Variants in RNF135 observed in about 807,000 individuals in gnomAD.
The protein encoded by RNF135 is E3 ubiquitin-protein ligase RNF135.
A neutral mutation model predicts 41.9 loss-of-function variants in RNF135; 46 were observed. The ratio of observed to expected loss-of-function variants is 1.10; its 90% CI spans 0.87 to 1.40. The LOEUF (loss-of-function observed/expected upper bound fraction) is 1.40, where lower values mean the gene tolerates loss of function less well. Ranked by LOEUF, RNF135 falls within the 40% of genes most tolerant of loss-of-function variation. The probability of loss-of-function intolerance (pLI) is 0.00; values close to 1 mark genes in which losing one functional copy is unlikely to be tolerated. For missense variants in RNF135, 539 were observed against 549.8 expected, an observed-to-expected ratio of 0.98 and a Z score of 0.20; for synonymous variants, 238 against 223.8, an observed-to-expected ratio of 1.06 and a Z score of -0.57.
At chr17:30,970,851 A>G, upstream of RNF135, 1 of 628,672 alleles carries the variant, frequency 1.6e-6, no homozygotes, top group Non-Finnish European at 2.7e-6. Context: ...CCAGGGCAAG[A>G]GGCCGCCACT....
At chr17:30,975,539 A>G in intron 1 of RNF135, 1 of 780,454 alleles carries the variant, frequency 1.3e-6, no homozygotes, top group Non-Finnish European at 2.4e-6. Flanking sequence ...AATGGCCTCG[A>G]AAATAGACAT....
At chr17:30,977,652 G>A (rs935644408) in intron 1 of RNF135, among the ~76,000 whole-genome samples, 3 of 152,048 alleles carry the variant, frequency 2.0e-5, no homozygotes, top group Non-Finnish European at 2.9e-5. Flanking sequence ...GGGATTACAG[G>A]CCACCTCCTG....
At chr17:30,978,300 A>G (rs370876736) in intron 1 of RNF135, among the ~76,000 whole-genome samples, 15 of 152,136 alleles carry the variant, frequency 9.9e-5, no homozygotes, top group African/African-American at 3.1e-4. Flanking sequence ...GTTCCATGCT[A>G]TTATTTCTTT....
At chr17:30,988,774 A>T (rs1487611078) in intron 3 of RNF135, among the ~76,000 whole-genome samples, 6 of 123,208 alleles carry the variant, frequency 4.9e-5, no homozygotes, top group East Asian at 2.4e-4. Flanking sequence ...TTTTTTAATA[A>T]TTTTGTTTTG....
chr17:30,984,571 G>C, intron 1 of RNF135, 46 bp from the exon 2 acceptor site: 1 of 1,611,132 alleles, frequency 6.2e-7, no homozygotes, highest in Non-Finnish European at 8.5e-7. Flanking sequence ...GTGGTTCCTG[G>C]GTCCAGTTTT....
At chr17:30,997,469 G>A in intron 4 of RNF135, 138 bp downstream of exon 4, 1 of 783,638 alleles carries the variant, frequency 1.3e-6, no homozygotes. Flanking sequence ...CCCTCCACGG[G>A]GGGAGCTGAT....
At chr17:30,967,706 T>TC (rs1190915784), upstream of RNF135, among the ~76,000 whole-genome samples, 1 of 144,804 alleles carries the variant, frequency 6.9e-6, no homozygotes, top group African/African-American at 2.6e-5. Flanking sequence ...CAAAATTTCT[T>TC]TTTTTTTTTT....
At chr17:30,969,338 A>G (rs1407127162), upstream of RNF135, 1 of 152,278 alleles carries the variant, frequency 6.6e-6, no homozygotes, top group African/African-American at 2.4e-5. Context: ...AGATCCAGGT[A>G]ATACATCAGT....
chr17:30,966,003 A>G (rs890691390), upstream of RNF135, among the ~76,000 whole-genome samples: 3 of 152,220 alleles, frequency 2.0e-5, no homozygotes, highest in Non-Finnish European at 4.4e-5. Context: ...ACTTCTGGCT[A>G]CATAACTCCT....
chr17:30,975,688 G>A (rs538308604), intron 1 of RNF135: 188 of 1,421,162 alleles, frequency 1.3e-4, no homozygotes, highest in Non-Finnish European at 1.7e-4. Context: ...GTGTCGGCCT[G>A]AGAAATGCAG....
rs866199233 is a variant in RNF135, at chr17:30,979,920, C to T, written c.373-4697C>T. ...GCCGGGCAGAGGGGCTCCTCACTTCCCAGTAGGGGCGGCCGGGCAGAGGCG... is the reference window on the plus strand; with the variant it reads ...GCCGGGCAGAGGGGCTCCTCACTTCTCAGTAGGGGCGGCCGGGCAGAGGCG... On this transcript the variant is annotated intron_variant, in intron 1 of 4. Transcript: ENST00000328381. 3.9e-3 allele frequency among the ~76,000 whole-genome samples: 464 copies of T among 117,942 alleles called. 3 individuals are homozygous for T. Among genetic ancestry groups the T allele is most frequent in the African/African-American group, 0.015 (440 of 29,440 alleles). The allele number at this position is 117,942 out of a possible 152,430, so 77.4% of individuals were successfully genotyped here.
Position 30,976,712 on chromosome 17 carries a change from T to A in RNF135, c.372+5267T>A, listed in dbSNP as rs535783640. Among the ~76,000 whole-genome samples, 800 of 152,350 alleles carry A rather than the reference T, an allele frequency of 5.3e-3. 10 individuals are homozygous for A. Among genetic ancestry groups the A allele is most frequent in the African/African-American group, 0.018 (762 of 41,584 alleles). On this transcript the variant is annotated intron_variant, in intron 1 of 4. Coordinates refer to ENST00000328381, the MANE Select transcript of RNF135 (RefSeq NM_032322.4). ...CATCATTATAAACTTTGTCTTTTAT[T>A]ATAGATTTTGTTTTGAAATCTATTT...
chr17:30,980,375 G>C (rs1452873177), intron 1 of RNF135: 1,915 of 146,418 alleles, frequency 0.013, 9 homozygotes, highest in Non-Finnish European at 0.019. Flanking sequence ...GCGGCTGGCC[G>C]GGCAGAGGGG....
At chr17:30,967,042 T>C (rs180924953), upstream of RNF135, among the ~76,000 whole-genome samples, 1 of 152,232 alleles carries the variant, frequency 6.6e-6, no homozygotes, top group African/African-American at 2.4e-5. Context: ...CATAGATAAA[T>C]GCTTCTTTTT....
chr17:30,978,598 AT>A (rs1242905447), intron 1 of RNF135: 1 of 141,046 alleles, frequency 7.1e-6, no homozygotes, highest in African/African-American at 3.1e-5. Context: ...TCTTTTTTTT[AT>A]TTATTTTTTA....
At chr17:30,987,525 C>A (rs1366938043) in intron 2 of RNF135, among the ~76,000 whole-genome samples, 1 of 152,164 alleles carries the variant, frequency 6.6e-6, no homozygotes, top group Non-Finnish European at 1.5e-5. Flanking sequence ...AGCCACCACA[C>A]CTAGCCGAAA....
At chr17:30,992,655 CAG>C (rs1443413999) in intron 3 of RNF135, among the ~76,000 whole-genome samples, 3 of 151,896 alleles carry the variant, frequency 2.0e-5, no homozygotes, top group Non-Finnish European at 4.4e-5. Flanking sequence ...TGGGTAGAGA[CAG>C]AGTTTTGCTA....
At chr17:30,977,125 T>G (rs1482478729) in intron 1 of RNF135, among the ~76,000 whole-genome samples, 3 of 152,178 alleles carry the variant, frequency 2.0e-5, no homozygotes, top group Non-Finnish European at 2.9e-5. Context: ...TGATTTGAGG[T>G]TACCATGAGC....
At chr17:30,980,038 A>C (rs1430385433) in intron 1 of RNF135, 76 of 66,916 alleles carry the variant, frequency 1.1e-3, no homozygotes, top group Middle Eastern at 0.014. Context: ...CGGGGGGCTG[A>C]CCCCCCACCT....
Sources: gnomAD v4.1 joint callset for allele counts (sites outside exome capture counted in the v4.1 genomes callset) on GRCh38, gnomAD v4.1.1 for gene constraint, MANE v1.5 for transcripts, NCBI Gene and HGNC (gene_info 2026-07-23, HGNC 2026-07-21) for gene names.